The following RBFOX1 variants were observed in gnomAD, a reference collection of about 807,000 sequenced individuals.
RBFOX1 encodes RNA binding fox-1 homolog 1, also known as RNA binding protein fox-1 homolog 1.
In RBFOX1, 8 loss-of-function variants were observed where a neutral mutation model predicts 57.7. The ratio of observed to expected loss-of-function variants is 0.14; its 90% confidence interval spans 0.08 to 0.25. The LOEUF is 0.25. RBFOX1 is among the 10% of genes least tolerant of loss of function. The pLI, the probability that RBFOX1 is intolerant of heterozygous loss-of-function variation, is 1.00. For synonymous variants in RBFOX1, 326 were observed against 222.4 expected (o/e 1.47, Z -4.15); for missense variants, 611 against 548.5 (o/e 1.11, Z -1.14).
At chr16:5,770,412 G>T (rs1290685883) in intron 3 of RBFOX1, among the ~76,000 whole-genome samples, 1 of 152,110 alleles carries the variant, frequency 6.6e-6, no homozygotes, top group Non-Finnish European at 1.5e-5. Flanking sequence ...TACCTTATAG[G>T]GTTTAAAAGG....
At chr16:6,170,729 C>A (rs1178413537) in intron 1 of RBFOX1, among the ~76,000 whole-genome samples, 2 of 152,038 alleles carry the variant, frequency 1.3e-5, no homozygotes, top group African/African-American at 4.8e-5. Context: ...TATTTTTCTG[C>A]TTCTCTCCCT....
At chr16:6,867,023 A>AAAAAAAAAACTT (rs1567630128) in intron 3 of RBFOX1, among the ~76,000 whole-genome samples, 1 of 151,498 alleles carries the variant, frequency 6.6e-6, no homozygotes, top group African/African-American at 2.4e-5. Context: ...CTTTAAAAAA[A>AAAAAAAAAACTT]AAAAAAAAAA....
chr16:6,208,000 ATG>A (rs1314620505), intron 1 of RBFOX1, among the ~76,000 whole-genome samples: 1 of 151,986 alleles, frequency 6.6e-6, no homozygotes, highest in Non-Finnish European at 1.5e-5. Flanking sequence ...TAAAATTTTT[ATG>A]TGTGTATATG....
rs1007798692 is a variant in RBFOX1, at chr16:7,698,025, T to C, written c.996-11031T>C. Among the ~76,000 whole-genome samples the C allele has an allele frequency of 2.6e-5, 4 of 152,052 alleles. No homozygotes were observed. The East Asian group carries it at 7.7e-4, about 29-fold the overall frequency. The stretch of plus-strand genomic sequence containing the variant: ...GTCAGGTCAGGAAGCATGTTGCGTA[T>C]TAGGGAAGAGAGGGTTAAACAGGCC... On this transcript the variant is annotated intron_variant, in intron 14 of 15. Transcript: ENST00000550418.
At chr16:6,963,238 C>T (rs945662370) in intron 3 of RBFOX1, among the ~76,000 whole-genome samples, 3 of 151,986 alleles carry the variant, frequency 2.0e-5, no homozygotes, top group African/African-American at 7.2e-5. Flanking sequence ...TCAAAAGCAG[C>T]ATTTGTGTTG....
chr16:7,671,632 A>C (rs938857969), intron 13 of RBFOX1: 3 of 1,587,004 alleles, frequency 1.9e-6, no homozygotes, highest in Admixed American at 1.7e-5. Flanking sequence ...GAAACTCATC[A>C]CTATGATTGT....
chr16:6,784,726 T>C (rs1345138865), intron 3 of RBFOX1, among the ~76,000 whole-genome samples: 1 of 151,942 alleles, frequency 6.6e-6, no homozygotes, highest in Non-Finnish European at 1.5e-5. Flanking sequence ...CTTTATTGTG[T>C]GGATAGTTGT....
chr16:7,412,682 C>G (rs2098440994), intron 4 of RBFOX1, among the ~76,000 whole-genome samples: 1 of 152,180 alleles, frequency 6.6e-6, no homozygotes, highest in Non-Finnish European at 1.5e-5. Context: ...GGCTTTTACC[C>G]CATGGTAAAC....
chr16:5,267,037 A>G (rs2062876778), intron 1 of RBFOX1, among the ~76,000 whole-genome samples: 1 of 152,060 alleles, frequency 6.6e-6, no homozygotes, highest in South Asian at 2.1e-4. Context: ...ACCAGGGGCC[A>G]CTGAGAGGAG....
intron 3 of RBFOX1, among the ~76,000 whole-genome samples, chr16:6,972,832 A>G (rs150541028): frequency 6.6e-5 from 10 of 152,276 alleles, no homozygotes; most frequent in African/African-American, 2.4e-4. Context: ...CAATAAAACC[A>G]GAGACAAGGG....
intron 4 of RBFOX1, among the ~76,000 whole-genome samples, chr16:5,938,543 C>T (rs557964104): frequency 4.1e-4 from 62 of 152,224 alleles, no homozygotes; most frequent in Non-Finnish European, 8.1e-4. Context: ...GGAAACTCTA[C>T]AACCTATTTC....
intron 2 of RBFOX1, among the ~76,000 whole-genome samples, chr16:6,624,563 G>C (rs1320513939): frequency 6.6e-6 from 1 of 152,220 alleles, no homozygotes; most frequent in African/African-American, 2.4e-5. Context: ...CAGTGAGGAC[G>C]TCTTTCCTTC....
At chr16:6,219,369 G>A (rs1323477873) in intron 1 of RBFOX1, among the ~76,000 whole-genome samples, 2 of 152,160 alleles carry the variant, frequency 1.3e-5, no homozygotes, top group Non-Finnish European at 1.5e-5. Flanking sequence ...TACTCTGGAG[G>A]TCCAGGAGGT....
chr16:5,319,533 C>T (rs867812065), intron 1 of RBFOX1, among the ~76,000 whole-genome samples: 2 of 152,174 alleles, frequency 1.3e-5, no homozygotes, highest in African/African-American at 4.8e-5. Context: ...CTTTACTGAG[C>T]GCCAATGTCA....
intron 3 of RBFOX1, among the ~76,000 whole-genome samples, chr16:6,917,772 C>T (rs1056471832): frequency 1.4e-4 from 22 of 152,314 alleles, no homozygotes; most frequent in South Asian, 4.1e-4. Flanking sequence ...GGCTTGTTCT[C>T]CTCCTCTGTG....
In RBFOX1 at chr16:5,969,880, G is replaced by A. The variant is rs559131789; in HGVS notation, c.351+102545G>A. Among the ~76,000 whole-genome samples the A allele has an allele frequency of 2.6e-5, 4 of 152,082 alleles. No homozygotes were observed. The East Asian group carries it at 7.8e-4, about 30-fold the overall frequency. On this transcript the variant is annotated intron_variant, in intron 4 of 19. Coordinates refer to the RBFOX1 transcript ENST00000641259. ...ATGGTCCTCCAAGCAACTCTGACTG[G>A]TTAGTTGAGTTTGGGAGTTTGCAAG...
At chr16:5,874,761 T>C (rs1034696485) in intron 4 of RBFOX1, among the ~76,000 whole-genome samples, 1 of 152,044 alleles carries the variant, frequency 6.6e-6, no homozygotes, top group Non-Finnish European at 1.5e-5. Flanking sequence ...CAGGGCATTG[T>C]AGCAAGACCC....
chr16:6,619,311 T>C (rs946307652), intron 2 of RBFOX1, among the ~76,000 whole-genome samples: 1 of 152,194 alleles, frequency 6.6e-6, no homozygotes, highest in Admixed American at 6.5e-5. Flanking sequence ...TAACTCTCGT[T>C]TGCATATCTT....
intron 4 of RBFOX1, among the ~76,000 whole-genome samples, chr16:7,336,057 A>G (rs2096781228): frequency 6.6e-6 from 1 of 152,178 alleles, no homozygotes; most frequent in Non-Finnish European, 1.5e-5. Context: ...GATAAGAAGA[A>G]CCAATGTACT....
Sources: allele counts gnomAD v4.1 joint callset (sites outside exome capture counted in the v4.1 genomes callset), GRCh38; gene constraint gnomAD v4.1.1; transcripts MANE v1.5; gene names NCBI Gene and HGNC (gene_info 2026-07-23, HGNC 2026-07-21).